Variants in AK5 observed in about 807,000 individuals in gnomAD.
The protein encoded by AK5 is adenylate kinase isoenzyme 5.
Under a neutral mutation model 69.5 loss-of-function variants are expected in AK5, and 27 were observed. The ratio of observed to expected loss-of-function variants is 0.39; its 90% CI spans 0.29 to 0.54. The LOEUF is 0.54. Among genes scored for constraint, AK5 ranks in the 20% least tolerant of loss-of-function variants. The probability of loss-of-function intolerance (pLI) is 0.71; values close to 1 mark genes in which losing one functional copy is unlikely to be tolerated. For synonymous variants in AK5, 260 were observed against 244.4 expected, an observed-to-expected ratio of 1.06 and a Z score of -0.60; for missense variants, 531 against 700.4, an observed-to-expected ratio of 0.76 and a Z score of 2.73.
chr1:77,326,106 G>T (rs969823335), intron 5 of AK5, among the ~76,000 whole-genome samples: 1 of 152,022 alleles, frequency 6.6e-6, no homozygotes, highest in Non-Finnish European at 1.5e-5. Context: ...CTCAAATATT[G>T]GCTGATGATA....
At chr1:77,295,678 T>G (rs1658958154) in intron 3 of AK5, among the ~76,000 whole-genome samples, 1 of 151,114 alleles carries the variant, frequency 6.6e-6, no homozygotes, top group African/African-American at 2.4e-5. Context: ...ATTCTTTCTA[T>G]TTTGTTGTTC....
intron 5 of AK5, among the ~76,000 whole-genome samples, chr1:77,325,766 T>A (rs1660771533): frequency 6.6e-6 from 1 of 151,808 alleles, no homozygotes; most frequent in Admixed American, 6.6e-5. Context: ...ATCTCTTTCA[T>A]CTAGTGTGGT....
chr1:77,313,733 G>A lies in AK5; in HGVS notation c.699+15786G>A, dbSNP rs150390883. 1,345 of 483,708 alleles carry A rather than the reference G, an allele frequency of 2.8e-3. 24 individuals are homozygous for A. Among genetic ancestry groups the A allele is most frequent in the African/African-American group, 0.024 (1,214 of 50,792 alleles). The allele number at this position is 483,708 out of a possible 1,614,324, so 30.0% of individuals were successfully genotyped here. ...GTGGGTTTGCTTTCCGTACCCTGTG[G>A]TACCATGGCAGCTGCTGCCGTGATT... On this transcript the variant is annotated intron_variant, in intron 5 of 13. Coordinates refer to ENST00000354567, the MANE Select transcript of AK5 (RefSeq NM_174858.3).
chr1:77,470,695 A>T (rs3112825), intron 8 of AK5, among the ~76,000 whole-genome samples: 148,683 of 151,312 alleles, frequency 0.98, 73,097 homozygotes, highest in East Asian at 1. Flanking sequence ...ACAAATAGTT[A>T]AGTCTTATGT....
At chr1:77,296,113 G>A (rs530330001) in intron 3 of AK5, among the ~76,000 whole-genome samples, 124 of 152,208 alleles carry the variant, frequency 8.1e-4, no homozygotes, top group African/African-American at 2.7e-3. Flanking sequence ...TGACTTTTAT[G>A]GAATTATAAA....
intron 6 of AK5, among the ~76,000 whole-genome samples, chr1:77,373,083 TA>T (rs1297065802): frequency 6.6e-6 from 1 of 152,248 alleles, no homozygotes; most frequent in Non-Finnish European, 1.5e-5. Context: ...AATTTCAGAT[TA>T]TTTTTTATCC....
intron 12 of AK5, 95 bp downstream of exon 12, chr1:77,522,038 T>C: frequency 1.0e-6 from 1 of 1,000,318 alleles, no homozygotes; most frequent in East Asian, 2.6e-5. Flanking sequence ...CCCAATTACA[T>C]TAATGAAAAC....
At chr1:77,510,582 A>G (rs994456727) in intron 10 of AK5, among the ~76,000 whole-genome samples, 10 of 151,630 alleles carry the variant, frequency 6.6e-5, no homozygotes, top group African/African-American at 2.4e-4. Context: ...GCAATGGTAG[A>G]AATATTTTCA....
rs777692286 is a variant in AK5, at chr1:77,297,562, G to T, written c.419G>T (p.Gly140Val). ...TTTTGCCTGTTTTAAATACTAGGTG[G>T]TCCAGGAAGTGGAAAGGGTACTCAG... is the stretch of plus-strand genomic sequence containing the variant. The part of the protein sequence containing the change: ...PRPKIILVIG[G>V]PGSGKGTQSL... The change falls in exon 4 of 14, where the codon GGT becomes GTT. Residue 140 changes from glycine to valine, a missense_variant. Transcript: ENST00000354567. 3 of 1,603,030 alleles carry T rather than the reference G, an allele frequency of 1.9e-6. No individual in the cohort carries two copies. Among genetic ancestry groups the T allele is most frequent in the Non-Finnish European group, 2.6e-6 (3 of 1,175,968 alleles).
chr1:77,538,360 CAAAA>C (rs142649086), intron 13 of AK5, among the ~76,000 whole-genome samples: 3 of 144,534 alleles, frequency 2.1e-5, no homozygotes, highest in African/African-American at 7.8e-5. Context: ...ACAACAACAA[CAAAA>C]AAAAAAAACA....
intron 5 of AK5, among the ~76,000 whole-genome samples, chr1:77,307,068 C>T (rs2799557): frequency 0.027 from 4,170 of 151,662 alleles, 86 homozygotes; most frequent in Non-Finnish European, 0.04. Context: ...TTTCCTTAAC[C>T]TTTTATTGTT....
intron 8 of AK5, among the ~76,000 whole-genome samples, chr1:77,457,229 G>T (rs1356592368): frequency 6.6e-6 from 1 of 152,190 alleles, no homozygotes; most frequent in Non-Finnish European, 1.5e-5. Context: ...GTACCTTGGT[G>T]CAGATCTTCT....
intron 5 of AK5, among the ~76,000 whole-genome samples, chr1:77,310,453 C>T (rs1230120478): frequency 1.3e-5 from 2 of 152,002 alleles, no homozygotes; most frequent in South Asian, 2.1e-4. Flanking sequence ...GATCTCGGCT[C>T]ACTGCAAGCT....
intron 10 of AK5, among the ~76,000 whole-genome samples, chr1:77,510,902 T>A (rs570287375): frequency 6.6e-6 from 1 of 151,458 alleles, no homozygotes; most frequent in African/African-American, 2.4e-5. Context: ...GATACATGTA[T>A]CTGTACATAC....
At chr1:77,506,980 G>T (rs1398172893) in intron 10 of AK5, among the ~76,000 whole-genome samples, 2 of 151,816 alleles carry the variant, frequency 1.3e-5, no homozygotes, top group South Asian at 2.1e-4. Context: ...GCCTGGGTAA[G>T]AGGTTGAGAC....
Position 77,297,591 on chromosome 1 carries a change from T to A in AK5, c.448T>A (p.Leu150Met), listed in dbSNP as rs550443382. Residue 150 changes from leucine (L) to methionine (M), a missense_variant, in exon 4 of 14, where the codon TTG (leucine) becomes ATG (methionine). Physicochemically the swap from Leu to Met is conservative, Grantham distance 15. Transcript: ENST00000354567. ...GPGSGKGTQS[L>M]KIAERYGFQY... is the part of the protein sequence containing the mutation. ...AGGAAGTGGAAAGGGTACTCAGAGTTTGAAAATTGCAGAACGATATGGATT... is the reference window on the plus strand; with the variant it reads ...AGGAAGTGGAAAGGGTACTCAGAGTATGAAAATTGCAGAACGATATGGATT... 1.2e-6 allele frequency: 2 copies of A among 1,611,680 alleles called. No individual in the cohort carries two copies. Among genetic ancestry groups the A allele is most frequent in the East Asian group, 4.5e-5 (2 of 44,836 alleles).
intron 5 of AK5, among the ~76,000 whole-genome samples, chr1:77,332,563 A>G (rs2100356988): frequency 6.7e-6 from 1 of 149,876 alleles, no homozygotes; most frequent in East Asian, 1.9e-4. Context: ...TTTAATTTCT[A>G]TACATGGGGA....
intron 6 of AK5, among the ~76,000 whole-genome samples, chr1:77,408,673 A>G (rs1425183016): frequency 1.3e-5 from 2 of 152,034 alleles, no homozygotes; most frequent in Non-Finnish European, 2.9e-5. Flanking sequence ...TAATCTGCAT[A>G]TTTTAAATAT....
chr1:77,499,313 C>A (rs1044549422), intron 10 of AK5, among the ~76,000 whole-genome samples: 39 of 152,084 alleles, frequency 2.6e-4, no homozygotes, highest in African/African-American at 9.4e-4. Flanking sequence ...CAGAGTGTAG[C>A]TGTTTTGCTT....
Sources: allele counts gnomAD v4.1 joint callset (sites outside exome capture counted in the v4.1 genomes callset), GRCh38; gene constraint gnomAD v4.1.1; transcripts MANE v1.5; gene names NCBI Gene and HGNC (gene_info 2026-07-23, HGNC 2026-07-21).